TAFA1: variants seen among roughly 807,000 people sequenced by gnomAD.
The protein encoded by TAFA1 is chemokine-like protein TAFA-1.
TAFA1 carries 4 observed loss-of-function variants against 18.5 expected under a neutral mutation model. That is an observed-to-expected ratio of 0.22 (90% CI 0.11 to 0.49). The LOEUF is 0.49. Among genes scored for constraint, TAFA1 ranks in the 20% least tolerant of loss-of-function variants. The pLI is 0.98. For synonymous variants in TAFA1, 56 were observed against 55.2 expected (o/e 1.01, Z -0.06); for missense variants, 147 against 169.0 (o/e 0.87, Z 0.72).
intron 2 of TAFA1, among the ~76,000 whole-genome samples, chr3:68,079,754 AGGTGT>A (rs1480032377): frequency 1.3e-5 from 2 of 152,202 alleles, no homozygotes; most frequent in African/African-American, 4.8e-5. Flanking sequence ...ATTTTGGAAT[AGGTGT>A]GGTGTGGTGC....
At chr3:68,119,875 G>A (rs2065367996) in intron 2 of TAFA1, among the ~76,000 whole-genome samples, 1 of 152,106 alleles carries the variant, frequency 6.6e-6, no homozygotes, top group Admixed American at 6.6e-5. Context: ...ACATACCCTA[G>A]TGTCTTGCAA....
At chr3:68,436,442 A>T (rs1295377429) in intron 3 of TAFA1, among the ~76,000 whole-genome samples, 1 of 152,142 alleles carries the variant, frequency 6.6e-6, no homozygotes, top group Non-Finnish European at 1.5e-5. Context: ...GACAGAGAGG[A>T]GAGAAATCAC....
chr3:68,492,150 C>T (rs1214522762), intron 3 of TAFA1, among the ~76,000 whole-genome samples: 1 of 152,074 alleles, frequency 6.6e-6, no homozygotes, highest in Admixed American at 6.6e-5. Flanking sequence ...TACAATGCAC[C>T]TCTATATGGA....
intron 3 of TAFA1, among the ~76,000 whole-genome samples, chr3:68,438,906 C>T (rs958799814): frequency 1.8e-4 from 27 of 152,034 alleles, no homozygotes; most frequent in Non-Finnish European, 3.8e-4. Flanking sequence ...AGCAAAGTGT[C>T]GTGGTATCCC....
intron 3 of TAFA1, among the ~76,000 whole-genome samples, chr3:68,451,036 G>T (rs928027927): frequency 1.3e-5 from 2 of 152,162 alleles, no homozygotes; most frequent in Admixed American, 1.3e-4. Flanking sequence ...TTCAAATTCA[G>T]GCAGTTTAGC....
chr3:68,517,927 AAC>A (rs5849854), intron 3 of TAFA1, among the ~76,000 whole-genome samples: 22 of 150,660 alleles, frequency 1.5e-4, no homozygotes, highest in South Asian at 6.3e-4. Flanking sequence ...CTTGCTGATA[AAC>A]ACACACACAC....
At chr3:68,047,545 A>G (rs2064405100) in intron 2 of TAFA1, among the ~76,000 whole-genome samples, 1 of 152,220 alleles carries the variant, frequency 6.6e-6, no homozygotes, top group Non-Finnish European at 1.5e-5. Context: ...AATGCCACAT[A>G]ATTTCACTGG....
intron 2 of TAFA1, among the ~76,000 whole-genome samples, chr3:68,269,632 T>C (rs2067622534): frequency 6.6e-6 from 1 of 151,974 alleles, no homozygotes; most frequent in East Asian, 2.0e-4. Context: ...TTAGAGATAA[T>C]AACTTTTGGC....
intron 2 of TAFA1, among the ~76,000 whole-genome samples, chr3:68,062,250 G>A (rs1039099022): frequency 2.0e-5 from 3 of 152,094 alleles, no homozygotes; most frequent in African/African-American, 7.2e-5. Flanking sequence ...GGGATGGTGA[G>A]GACTGCAGGA....
intron 3 of TAFA1, among the ~76,000 whole-genome samples, chr3:68,465,080 C>T (rs1458355143): frequency 6.6e-6 from 1 of 152,058 alleles, no homozygotes; most frequent in Non-Finnish European, 1.5e-5. Flanking sequence ...TAGGCGTGGG[C>T]ATGTGGCTTT....
chr3:68,017,481 C>T (rs1704594442), intron 2 of TAFA1, among the ~76,000 whole-genome samples: 1 of 152,170 alleles, frequency 6.6e-6, no homozygotes, highest in Non-Finnish European at 1.5e-5. Context: ...TTCAATCTTT[C>T]TCCAGGCACT....
rs76592169 is a variant in TAFA1 at position 68,486,821 on chromosome 3, A to G, written c.260-51935A>G. On this transcript the variant is annotated intron_variant, in intron 3 of 4. Coordinates refer to ENST00000478136, the MANE Select transcript of TAFA1 (RefSeq NM_213609.4). Reference sequence around the variant, plus strand: ...AACTGAGCTACCCACTTCTCATTCAATATCTTAGCATTTTGTCCTAATCAG... The same window carrying G: ...AACTGAGCTACCCACTTCTCATTCAGTATCTTAGCATTTTGTCCTAATCAG... Among the ~76,000 whole-genome samples, 33 of 152,280 alleles carry G rather than the reference A, an allele frequency of 2.2e-4. No homozygotes were observed. The East Asian group carries it at 5.4e-3, about 25-fold the overall frequency.
In TAFA1 at chr3:68,206,554, C is replaced by T. The variant is rs574908249; in HGVS notation, c.118+199810C>T. 2.0e-5 allele frequency among the ~76,000 whole-genome samples: 3 copies of T among 151,748 alleles called. No homozygotes were observed. In the South Asian group the frequency reaches 6.2e-4, roughly 32 times the overall value. The stretch of plus-strand genomic sequence containing the variant: ...AGTAAAAAAGAGGATTTACTGACAC[C>T]CATATGAGAATAAAAAATAATGATG... On this transcript the variant is annotated intron_variant, in intron 2 of 4. Transcript: ENST00000478136.
At chr3:68,437,240 T>C (rs2071281883) in intron 3 of TAFA1, among the ~76,000 whole-genome samples, 1 of 152,118 alleles carries the variant, frequency 6.6e-6, no homozygotes, top group Non-Finnish European at 1.5e-5. Flanking sequence ...CCCAGCTTAA[T>C]CCAGGCTGTT....
intron 2 of TAFA1, among the ~76,000 whole-genome samples, chr3:68,393,765 C>T (rs75965180): frequency 2.1e-3 from 316 of 152,182 alleles, no homozygotes; most frequent in African/African-American, 5.6e-3. Flanking sequence ...ACAAAAATTA[C>T]GTGATTATCT....
intron 2 of TAFA1, among the ~76,000 whole-genome samples, chr3:68,333,728 A>G (rs903582945): frequency 6.6e-6 from 1 of 152,218 alleles, no homozygotes; most frequent in Admixed American, 6.5e-5. Flanking sequence ...CTGCACTCCC[A>G]TGTTCATTGC....
chr3:68,026,479 A>G (rs1389888034), intron 2 of TAFA1, among the ~76,000 whole-genome samples: 2 of 152,122 alleles, frequency 1.3e-5, no homozygotes, highest in East Asian at 3.9e-4. Flanking sequence ...TGATGTAATA[A>G]TAATACCCAA....
chr3:68,502,730 C>T (rs942538056), intron 3 of TAFA1, among the ~76,000 whole-genome samples: 1 of 152,076 alleles, frequency 6.6e-6, no homozygotes, highest in Non-Finnish European at 1.5e-5. Flanking sequence ...CTTCTTAATA[C>T]TCTGAGACAC....
intron 2 of TAFA1, among the ~76,000 whole-genome samples, chr3:68,287,977 T>C (rs2068043848): frequency 6.6e-6 from 1 of 151,858 alleles, no homozygotes; most frequent in Non-Finnish European, 1.5e-5. Flanking sequence ...TTTTGTTTAA[T>C]TTTTCTTAAA....
Sources: gnomAD v4.1 joint callset for allele counts (sites outside exome capture counted in the v4.1 genomes callset) on GRCh38, gnomAD v4.1.1 for gene constraint, MANE v1.5 for transcripts, NCBI Gene and HGNC (gene_info 2026-07-23, HGNC 2026-07-21) for gene names.